The following TANC2 variants were observed in gnomAD, a reference collection of about 807,000 sequenced individuals.
TANC2 encodes the protein tetratricopeptide repeat, ankyrin repeat and coiled-coil containing 2.
Under a neutral mutation model 210.5 loss-of-function variants are expected in TANC2, and 26 were observed. That is an observed-to-expected ratio of 0.12 (90% confidence interval 0.09 to 0.17). The LOEUF is 0.17. Among genes scored for constraint, TANC2 ranks in the 10% least tolerant of loss-of-function variants. The pLI is 1.00. For synonymous variants in TANC2, 931 were observed against 967.1 expected, an observed-to-expected ratio of 0.96 and a Z score of 0.69; for missense variants, 2,129 against 2,608.9, an observed-to-expected ratio of 0.82 and a Z score of 4.01.
At chr17:63,388,514 T>G in intron 15 of TANC2, 121 bp from the exon 16 acceptor site, 1 of 1,010,494 alleles carries the variant, frequency 9.9e-7, no homozygotes, top group Non-Finnish European at 1.4e-6. Context: ...GGCATGAACA[T>G]TGTTAGGGTG....
Position 63,420,645 on chromosome 17 carries a change from A to G in TANC2, c.4915A>G (p.Arg1639Gly), listed in dbSNP as rs1316972455. ...TCCAGCTGAAAGTATGAGTGTCTAT[A>G]GATCCCAGTCTGGTTCACCCGTGCG... is the stretch of plus-strand genomic sequence containing the variant. The change falls in exon 28 of 28, where the codon AGA (arginine) becomes GGA (glycine). Residue 1639 changes from arginine to glycine, a missense_variant. Around this residue, in one of 5 missense-constraint regions of TANC2, gnomAD observed 584 missense variants for 627.3 expected, o/e 0.93. Coordinates refer to ENST00000689528, the Ensembl canonical transcript of TANC2. The surrounding 1 kb of genome is among the most constrained non-coding windows in gnomAD (Gnocchi z 4.2). The G allele has an allele frequency of 1.2e-6, 2 of 1,613,858 alleles. No individual in the cohort carries two copies. The highest frequency in any genetic ancestry group is 1.1e-5 in the South Asian group (1 of 91,060).
At chr17:63,180,344 C>T (rs190187869) in intron 5 of TANC2, among the ~76,000 whole-genome samples, 2 of 152,112 alleles carry the variant, frequency 1.3e-5, no homozygotes, top group Admixed American at 6.5e-5. Flanking sequence ...ATCAAGTTTC[C>T]CTGAGGACAG....
chr17:63,393,597 C>T (rs2048049597), intron 17 of TANC2: 1 of 152,152 alleles, frequency 6.6e-6, no homozygotes, highest in African/African-American at 2.4e-5. Context: ...AAGGTAATGT[C>T]TTCCAGGTTT....
intron 7 of TANC2, among the ~76,000 whole-genome samples, chr17:63,207,044 C>G (rs2041737939): frequency 6.6e-6 from 1 of 151,976 alleles, no homozygotes; most frequent in Non-Finnish European, 1.5e-5. Context: ...TCCCATTTCT[C>G]TATTCATACC....
chr17:63,353,785 G>A (rs1348410847), intron 13 of TANC2, among the ~76,000 whole-genome samples: 1 of 152,134 alleles, frequency 6.6e-6, no homozygotes, highest in East Asian at 1.9e-4. Context: ...TCCAAAAAAA[G>A]TGCATTGAGG....
At chr17:63,392,311 A>C (rs1293027856) in intron 17 of TANC2, among the ~76,000 whole-genome samples, 1 of 152,166 alleles carries the variant, frequency 6.6e-6, no homozygotes, top group African/African-American at 2.4e-5. Context: ...ATCCCTGACT[A>C]GTTAGTTCCT....
At position 63,419,724 on chromosome 17, in the gene TANC2, G is replaced by A. The variant is rs146632992; in HGVS notation, c.4269-275G>A. On this transcript the variant is annotated intron_variant, in intron 27 of 27. Transcript: ENST00000689528. The stretch of plus-strand genomic sequence containing the variant: ...TGTTTGGGCACCAAAACAACTTCCC[G>A]AAGGGCCTGGCTGGACTGACAAAAT... 2.2e-3 allele frequency among the ~76,000 whole-genome samples: 342 copies of A among 152,178 alleles called. 4 individuals carry two copies. Among genetic ancestry groups the A allele is most frequent in the African/African-American group, 7.6e-3 (314 of 41,506 alleles).
At chr17:63,144,501 TAC>T (rs1229107967) in intron 4 of TANC2, among the ~76,000 whole-genome samples, 10 of 152,192 alleles carry the variant, frequency 6.6e-5, no homozygotes, top group Non-Finnish European at 8.8e-5. Context: ...TACAATAATA[TAC>T]ATTCACATTT....
intron 9 of TANC2, among the ~76,000 whole-genome samples, chr17:63,313,829 C>T (rs2045213766): frequency 6.6e-6 from 1 of 152,176 alleles, no homozygotes; most frequent in Non-Finnish European, 1.5e-5. Context: ...CCTCTCTATA[C>T]TGCTTTCTTC....
intron 21 of TANC2, among the ~76,000 whole-genome samples, chr17:63,409,205 T>TC (rs1221674414): frequency 1.3e-5 from 2 of 152,148 alleles, no homozygotes; most frequent in Non-Finnish European, 2.9e-5. Context: ...AAGGTCTCAC[T>TC]CCATCACCCA....
At chr17:63,087,691 T>G (rs1252826492) in intron 3 of TANC2, among the ~76,000 whole-genome samples, 1 of 152,174 alleles carries the variant, frequency 6.6e-6, no homozygotes, top group African/African-American at 2.4e-5. Flanking sequence ...TCACAAAAGA[T>G]TGGGGCCCCT....
chr17:63,018,176 A>G (rs1366771047), intron 2 of TANC2, among the ~76,000 whole-genome samples: 3 of 152,090 alleles, frequency 2.0e-5, no homozygotes, highest in Non-Finnish European at 2.9e-5. Flanking sequence ...TTACTTTAAA[A>G]TAATTGTAGA....
chr17:63,161,245 C>T (rs1335766630), intron 5 of TANC2, among the ~76,000 whole-genome samples: 1 of 152,016 alleles, frequency 6.6e-6, no homozygotes, highest in Non-Finnish European at 1.5e-5. Flanking sequence ...ACCTGTGGTC[C>T]CAGCTACTTG....
At chr17:63,262,273 G>C (rs964091298) in intron 8 of TANC2, among the ~76,000 whole-genome samples, 1 of 152,098 alleles carries the variant, frequency 6.6e-6, no homozygotes, top group Admixed American at 6.5e-5. Context: ...TCAAACTCCT[G>C]GGCTCAAGCA....
intron 2 of TANC2, among the ~76,000 whole-genome samples, chr17:63,042,536 G>T: frequency 6.6e-6 from 1 of 152,008 alleles, no homozygotes; most frequent in East Asian, 1.9e-4. Flanking sequence ...TGTTGAAAGA[G>T]TGTTAAAAAG....
intron 15 of TANC2, among the ~76,000 whole-genome samples, chr17:63,382,283 C>T (rs1470530081): frequency 6.6e-6 from 1 of 152,168 alleles, no homozygotes; most frequent in Admixed American, 6.5e-5. Flanking sequence ...TTACCAAGGT[C>T]CATTCTTACT....
intron 2 of TANC2, among the ~76,000 whole-genome samples, chr17:63,041,805 A>G (rs2035198468): frequency 6.6e-6 from 1 of 152,200 alleles, no homozygotes; most frequent in Non-Finnish European, 1.5e-5. Flanking sequence ...ATGAGATGGA[A>G]AAGAGCTCTG....
chr17:63,326,349 A>T (rs549235482), intron 11 of TANC2, among the ~76,000 whole-genome samples: 1 of 152,220 alleles, frequency 6.6e-6, no homozygotes, highest in Non-Finnish European at 1.5e-5. Flanking sequence ...CATATCTCAC[A>T]CCATGCACAA....
rs527497845 is a variant in TANC2 at position 63,237,191 on chromosome 17, G to A, written c.770-623G>A. Reference sequence around the variant, plus strand: ...GTAGCCATTCTGACTGGTATAAGACGGTGGTTTTAAGTTGCATTTCTCTGA... The same window carrying A: ...GTAGCCATTCTGACTGGTATAAGACAGTGGTTTTAAGTTGCATTTCTCTGA... On this transcript the variant is annotated intron_variant, in intron 7 of 27. Transcript: ENST00000689528. Among the ~76,000 whole-genome samples, 11 of 151,894 alleles carry A rather than the reference G, an allele frequency of 7.2e-5. No homozygotes were observed. In the East Asian group the frequency reaches 1.4e-3, roughly 19 times the overall value.
Sources: gnomAD v4.1 joint callset for allele counts (sites outside exome capture counted in the v4.1 genomes callset) on GRCh38, gnomAD v4.1.1 for gene constraint, gnomAD v4.1.1 regional missense constraint, Gnocchi (gnomAD v3.1) non-coding constraint, MANE v1.5 for transcripts, NCBI Gene and HGNC (gene_info 2026-07-23, HGNC 2026-07-21) for gene names.